CDH13: variants seen among roughly 807,000 people sequenced by gnomAD.
The protein encoded by CDH13 is cadherin 13.
Under a neutral mutation model 63.8 loss-of-function variants are expected in CDH13, and 24 were observed. The observed-to-expected ratio is 0.38, with a 90% CI of 0.27 to 0.53. The LOEUF (loss-of-function observed/expected upper bound fraction) is 0.53. Among genes scored for constraint, CDH13 ranks in the 20% least tolerant of loss-of-function variants. The pLI, the probability that CDH13 is intolerant of heterozygous loss-of-function variation, is 0.85. For synonymous variants in CDH13, 503 were observed against 355.3 expected, an observed-to-expected ratio of 1.42 and a Z score of -4.67; for missense variants, 1,049 against 903.1, an observed-to-expected ratio of 1.16 and a Z score of -2.07.
At chr16:83,719,168 A>T (rs1293693389) in intron 10 of CDH13, among the ~76,000 whole-genome samples, 1 of 152,184 alleles carries the variant, frequency 6.6e-6, no homozygotes, top group Non-Finnish European at 1.5e-5. Context: ...TCCAGTAGCC[A>T]AGTAGAATTG....
intron 2 of CDH13, among the ~76,000 whole-genome samples, chr16:82,956,349 A>G (rs1906097824): frequency 6.6e-6 from 1 of 150,876 alleles, no homozygotes; most frequent in Non-Finnish European, 1.5e-5. Context: ...TCCTAATTCT[A>G]GTCTTTAATA....
intron 7 of CDH13, among the ~76,000 whole-genome samples, chr16:83,596,586 G>A (rs917475673): frequency 3.9e-5 from 6 of 152,154 alleles, no homozygotes; most frequent in African/African-American, 7.2e-5. Context: ...AGTGGCCAGC[G>A]AGGGATACAG....
In CDH13 at chr16:83,004,397, C is replaced by T. The variant is rs553301547; in HGVS notation, c.158-27613C>T. 3.3e-4 allele frequency among the ~76,000 whole-genome samples: 50 copies of T among 152,320 alleles called. 1 individual carries two copies. Among genetic ancestry groups the T allele is most frequent in the South Asian group, 1.2e-3 (6 of 4,824 alleles). ...GCTGTAATAAAGAATGCTACAAAAA[C>T]AGAAGCTTAAACCAAATAGAATTAT... On this transcript the variant is annotated intron_variant, in intron 2 of 13. Transcript: ENST00000567109.
intron 5 of CDH13, among the ~76,000 whole-genome samples, chr16:83,338,713 G>A (rs1477627773): frequency 5.3e-5 from 8 of 152,196 alleles, no homozygotes; most frequent in Admixed American, 5.2e-4. Context: ...GCGTAGGTAG[G>A]AAACCCATGG....
At chr16:83,082,074 A>G (rs1444448170) in intron 3 of CDH13, among the ~76,000 whole-genome samples, 1 of 152,208 alleles carries the variant, frequency 6.6e-6, no homozygotes, top group East Asian at 1.9e-4. Context: ...TGCTGGGATT[A>G]CAGGCCTGAG....
intron 2 of CDH13, among the ~76,000 whole-genome samples, chr16:82,925,660 T>C (rs1006832676): frequency 2.0e-5 from 3 of 152,148 alleles, no homozygotes; most frequent in South Asian, 4.1e-4. Flanking sequence ...AGACATGATA[T>C]TGGCTGGGTA....
At chr16:83,425,310 C>A (rs754652771) in intron 6 of CDH13, among the ~76,000 whole-genome samples, 2 of 152,232 alleles carry the variant, frequency 1.3e-5, no homozygotes, top group Non-Finnish European at 2.9e-5. Flanking sequence ...CACAGGACAT[C>A]TCGGAAAGGT....
At chr16:82,981,725 T>G (rs760739932) in intron 2 of CDH13, among the ~76,000 whole-genome samples, 2 of 152,242 alleles carry the variant, frequency 1.3e-5, no homozygotes, top group African/African-American at 2.4e-5. Flanking sequence ...TTTCTATGCA[T>G]CTCCTCACAT....
intron 7 of CDH13, among the ~76,000 whole-genome samples, chr16:83,553,524 C>G (rs1267316699): frequency 2.0e-5 from 3 of 152,014 alleles, no homozygotes; most frequent in Non-Finnish European, 4.4e-5. Context: ...TTTATCTGCC[C>G]TGTAGGAATC....
chr16:83,718,536 G>T (rs1284677037), intron 10 of CDH13, among the ~76,000 whole-genome samples: 1 of 152,172 alleles, frequency 6.6e-6, no homozygotes, highest in African/African-American at 2.4e-5. Context: ...CTGGAAAAAG[G>T]TGGAGATTTC....
Position 83,215,191 on chromosome 16 carries a change from C to T in CDH13, c.484-2154C>T, listed in dbSNP as rs76084370. 0.011 allele frequency among the ~76,000 whole-genome samples: 1,557 copies of T among 138,718 alleles called. 95 individuals carry two copies. In the East Asian group the frequency reaches 0.2, roughly 18 times the overall value. 91.0% of individuals were successfully genotyped at this position (138,718 alleles called of 152,430 possible). A position where few individuals can be genotyped will look rare whatever the true frequency, so the allele number is the denominator to read the frequency against. On this transcript the variant is annotated intron_variant, in intron 4 of 13. Transcript: ENST00000567109. The stretch of plus-strand genomic sequence containing the variant: ...TCCCAGATTCAAGCGATTCTGCTGC[C>T]TCAGCCTCCAGAGTAACAGGGATTA...
intron 1 of CDH13, among the ~76,000 whole-genome samples, chr16:82,747,242 G>C (rs897168743): frequency 6.6e-6 from 1 of 152,126 alleles, no homozygotes; most frequent in African/African-American, 2.4e-5. Flanking sequence ...CCTGGGACCT[G>C]GTTAGAAATT....
chr16:83,587,240 C>A (rs751892611), intron 7 of CDH13, among the ~76,000 whole-genome samples: 1 of 152,138 alleles, frequency 6.6e-6, no homozygotes, highest in Non-Finnish European at 1.5e-5. Flanking sequence ...CTCAGCAAAG[C>A]CAACTTTGAT....
At chr16:83,518,089 G>A (rs1474362043) in intron 7 of CDH13, among the ~76,000 whole-genome samples, 2 of 152,048 alleles carry the variant, frequency 1.3e-5, no homozygotes, top group African/African-American at 4.8e-5. Context: ...TCATGGGGGT[G>A]GTTAACCTCA....
At chr16:83,027,529 G>A (rs906014210) in intron 2 of CDH13, among the ~76,000 whole-genome samples, 1 of 152,172 alleles carries the variant, frequency 6.6e-6, no homozygotes, top group Non-Finnish European at 1.5e-5. Context: ...GAGCTATGCA[G>A]TGAAGACAAA....
Position 83,136,546 on chromosome 16 carries a change from C to CAG in CDH13, c.483+11046_483+11047dup, listed in dbSNP as rs571237032. On this transcript the variant is annotated intron_variant, in intron 4 of 13. Transcript: ENST00000567109. Reference sequence around the variant, plus strand: ...CTAGAGGAAGGAGAAACATACAAGCCAGGGGTGAGCCAAGGATGAGAAGCA... The same window carrying CAG: ...CTAGAGGAAGGAGAAACATACAAGCCAGAGGGGTGAGCCAAGGATGAGAAGCA... Among the ~76,000 whole-genome samples the CAG allele has an allele frequency of 1.6e-4, 25 of 151,780 alleles. No homozygotes were observed. The South Asian group carries it at 5.2e-3, about 32-fold the overall frequency.
intron 7 of CDH13, among the ~76,000 whole-genome samples, chr16:83,589,652 G>C (rs1906542087): frequency 6.6e-6 from 1 of 152,044 alleles, no homozygotes; most frequent in Non-Finnish European, 1.5e-5. Flanking sequence ...GTGGCATTTA[G>C]AGCTCACTTC....
chr16:83,658,147 C>T (rs1330923407), intron 8 of CDH13, among the ~76,000 whole-genome samples: 5 of 145,814 alleles, frequency 3.4e-5, no homozygotes, highest in Admixed American at 6.7e-5. Flanking sequence ...CTCATGTCCT[C>T]ACCACCAGGT....
chr16:83,132,065 C>T (rs1421845409), intron 4 of CDH13, among the ~76,000 whole-genome samples: 1 of 152,152 alleles, frequency 6.6e-6, no homozygotes, highest in Non-Finnish European at 1.5e-5. Flanking sequence ...TTTATGCCCA[C>T]CTATGCGAAT....
Sources: gnomAD v4.1 joint callset for allele counts (sites outside exome capture counted in the v4.1 genomes callset) on GRCh38, gnomAD v4.1.1 for gene constraint, MANE v1.5 for transcripts, NCBI Gene and HGNC (gene_info 2026-07-23, HGNC 2026-07-21) for gene names.